MR1: variants seen among roughly 807,000 people sequenced by gnomAD.
The protein encoded by MR1 is major histocompatibility complex, class I-related.
A neutral mutation model predicts 37.8 loss-of-function variants in MR1; 44 were observed. The ratio of observed to expected loss-of-function variants is 1.16; its 90% CI spans 0.91 to 1.50. MR1 has a LOEUF of 1.50. Ranked by LOEUF, MR1 falls within the 40% of genes most tolerant of loss-of-function variation. MR1 has a pLI of 0.00. For missense variants in MR1, 386 were observed against 419.1 expected (o/e 0.92, Z 0.69); for synonymous variants, 153 against 155.8 (o/e 0.98, Z 0.13).
chr1:181,034,417 G>A (rs1558109682), intron 1 of MR1, among the ~76,000 whole-genome samples: 1 of 152,142 alleles, frequency 6.6e-6, no homozygotes, highest in Non-Finnish European at 1.5e-5. Context: ...TCATGAGGAT[G>A]TAGTCAGAGT....
rs149219165 is a variant in MR1, at chr1:181,037,578, G to A, written c.67+3504G>A. Among the ~76,000 whole-genome samples the A allele has an allele frequency of 9.2e-5, 14 of 152,320 alleles. No individual in the cohort carries two copies. The East Asian group carries it at 2.3e-3, about 25-fold the overall frequency. On this transcript the variant is annotated intron_variant, in intron 1 of 5. Coordinates refer to ENST00000367580, the MANE Select transcript of MR1 (RefSeq NM_001385161.1). ...TATTGCTAAGAGCTGGAGGAAAGGA[G>A]CCTAAGTTAAAGATCAAACACATGA...
At chr1:181,048,500 A>C (rs1407920370) in intron 1 of MR1, among the ~76,000 whole-genome samples, 2 of 150,928 alleles carry the variant, frequency 1.3e-5, no homozygotes, top group Non-Finnish European at 2.9e-5. Flanking sequence ...GTGCCATTGC[A>C]CTCCAGCCTG....
Position 181,052,401 on chromosome 1 carries a change from T to C in MR1, c.771T>C (p.Asp257=), listed in dbSNP as rs141366222. 19 of 1,614,100 alleles carry C rather than the reference T, an allele frequency of 1.2e-5. No homozygotes were observed. The highest frequency in any genetic ancestry group is 1.3e-5 in the Non-Finnish European group (15 of 1,180,046). Residue 257 remains aspartate, a synonymous_variant, in exon 4 of 6, where the codon GAT becomes GAC. Transcript: ENST00000367580. ...ATGGAGACATTCTTCCCAGTGGGGA[T>C]GGAACCTATCAGGCGTGGGCATCAA... ...IDYGDILPSG[D]GTYQAWASIE...
intron 1 of MR1, among the ~76,000 whole-genome samples, chr1:181,039,256 T>G (rs996273995): frequency 1.3e-5 from 2 of 152,228 alleles, no homozygotes; most frequent in Admixed American, 1.3e-4. Flanking sequence ...TTGTGATGAC[T>G]ATGATTAAGA....
chr1:181,046,220 G>C (rs531445356), intron 1 of MR1, among the ~76,000 whole-genome samples: 5 of 152,212 alleles, frequency 3.3e-5, no homozygotes, highest in African/African-American at 7.2e-5. Context: ...GCGGGCGCAC[G>C]GCGCGGGAAT....
At chr1:181,033,469 G>A (rs551538860), upstream of MR1, 1 of 152,486 alleles carries the variant, frequency 6.6e-6, no homozygotes, top group East Asian at 1.9e-4. Context: ...TATTCAGTAA[G>A]TGTTTTGAGC....
chr1:181,041,120 T>C (rs557515858), intron 1 of MR1, among the ~76,000 whole-genome samples: 2 of 134,832 alleles, frequency 1.5e-5, no homozygotes, highest in Admixed American at 1.5e-4. Context: ...AATAAATAAA[T>C]AAAGCACAAT....
chr1:181,048,999 G>A, intron 1 of MR1, 53 bp from the exon 2 acceptor site: 1 of 1,577,806 alleles, frequency 6.3e-7, no homozygotes, highest in South Asian at 1.2e-5. Flanking sequence ...TGCAGTTGAA[G>A]GATCTGGATC....
intron 1 of MR1, among the ~76,000 whole-genome samples, chr1:181,048,434 C>G (rs1658046941): frequency 6.7e-6 from 1 of 149,984 alleles, no homozygotes; most frequent in Admixed American, 6.7e-5. Flanking sequence ...ACCTGGGAGG[C>G]TGGAGCAGGA....
rs1658792573 is a variant in MR1 at position 181,059,282 on chromosome 1, G to A, written c.*4017G>A. 1.3e-5 allele frequency: 2 copies of A among 152,170 alleles called. No homozygotes were observed. The highest frequency in any genetic ancestry group is 4.1e-4 in the South Asian group (2 of 4,826). The allele number at this position is 152,170 out of a possible 1,614,324, so 9.4% of individuals were successfully genotyped here. A position where few individuals can be genotyped will look rare whatever the true frequency, so the allele number is the denominator to read the frequency against. ...TTTCTTTGGAAATTGCCATCTTTGA[G>A]CATTGTATGTCTCTGTAACATCTCT... On this transcript the variant is annotated 3_prime_UTR_variant, in exon 6 of 6. Transcript: ENST00000367580.
intron 5 of MR1, among the ~76,000 whole-genome samples, chr1:181,054,355 C>A (rs1658489131): frequency 6.6e-6 from 1 of 152,090 alleles, no homozygotes; most frequent in Non-Finnish European, 1.5e-5. Context: ...TACAATAGAG[C>A]CTGGTAAGGT....
At position 181,060,706 on chromosome 1, in the gene MR1, T is replaced by C. The variant is rs1463478609; in HGVS notation, c.*5441T>C. ...ACCCCTGCACCACAGGACAAGGAAG[T>C]GTTCTTGGTCTTCAACTTTCATCCC... On this transcript the variant is annotated 3_prime_UTR_variant, in exon 6 of 6. Transcript: ENST00000367580. The C allele has an allele frequency of 6.6e-6, 1 of 152,222 alleles. No individual in the cohort carries two copies. Among genetic ancestry groups the C allele is most frequent in the Admixed American group, 6.5e-5 (1 of 15,268 alleles). 9.4% of individuals were successfully genotyped at this position (152,222 alleles called of 1,614,324 possible).
Position 181,060,325 on chromosome 1 carries a change from C to T in MR1, c.*5060C>T, listed in dbSNP as rs1658842513. 1 of 152,170 alleles carries T rather than the reference C, an allele frequency of 6.6e-6. No homozygotes were observed. The allele number at this position is 152,170 out of a possible 1,614,324, so 9.4% of individuals were successfully genotyped here. Reference sequence around the variant, plus strand: ...ATTACATCTGCAACAACCCTATTTCCAAAGAAGGCCACATTCTGAGGTACT... The same window carrying T: ...ATTACATCTGCAACAACCCTATTTCTAAAGAAGGCCACATTCTGAGGTACT... On this transcript the variant is annotated 3_prime_UTR_variant, in exon 6 of 6. Transcript: ENST00000367580.
At chr1:181,039,440 A>G (rs1274232392) in intron 1 of MR1, among the ~76,000 whole-genome samples, 1 of 152,066 alleles carries the variant, frequency 6.6e-6, no homozygotes, top group Non-Finnish European at 1.5e-5. Context: ...GGTGGAATTC[A>G]TTTATTTGTT....
intron 1 of MR1, chr1:181,037,189 T>C (rs1465474898): frequency 2.0e-5 from 3 of 152,172 alleles, no homozygotes; most frequent in Non-Finnish European, 2.9e-5. Flanking sequence ...AATGGTGGAG[T>C]CCTTCACAGG....
intron 1 of MR1, among the ~76,000 whole-genome samples, chr1:181,041,531 C>T (rs1657553351): frequency 6.6e-6 from 1 of 152,168 alleles, no homozygotes; most frequent in Non-Finnish European, 1.5e-5. Flanking sequence ...GATTTTTTCC[C>T]ATGAAAAACT....
chr1:181,060,441 C>T lies in MR1; in HGVS notation c.*5176C>T, dbSNP rs905331117. 6.6e-6 allele frequency: 1 copy of T among 152,174 alleles called. No homozygotes were observed. Among genetic ancestry groups the T allele is most frequent in the Non-Finnish European group, 1.5e-5 (1 of 68,030 alleles). The allele number at this position is 152,174 out of a possible 1,614,324, so 9.4% of individuals were successfully genotyped here. ...AACCTCTGTAGGTTCCCTCAATCCA[C>T]CAAAATTTTTTGGCTCCACTGGATT... is the stretch of plus-strand genomic sequence containing the variant. On this transcript the variant is annotated 3_prime_UTR_variant, in exon 6 of 6. Coordinates refer to ENST00000367580, the MANE Select transcript of MR1 (RefSeq NM_001385161.1).
intron 3 of MR1, chr1:181,051,331 T>C (rs1401037307): frequency 1.3e-5 from 2 of 152,042 alleles, no homozygotes; most frequent in African/African-American, 4.8e-5. Flanking sequence ...ACAGGCCCTA[T>C]CAAAAAGCAC....
chr1:181,060,407 T>C lies in MR1; in HGVS notation c.*5142T>C, dbSNP rs1183654799. On this transcript the variant is annotated 3_prime_UTR_variant, in exon 6 of 6. Transcript: ENST00000367580. ...AGGAAACAATTCAACTCCTAACACA[T>C]CTCTACCCAACCTCTGTAGGTTCCC... The C allele has an allele frequency of 6.6e-6, 1 of 152,102 alleles. No homozygotes were observed. The highest frequency in any genetic ancestry group is 1.5e-5 in the Non-Finnish European group (1 of 68,012). 9.4% of individuals were successfully genotyped at this position (152,102 alleles called of 1,614,324 possible).
Sources: allele counts gnomAD v4.1 joint callset (sites outside exome capture counted in the v4.1 genomes callset), GRCh38; gene constraint gnomAD v4.1.1; transcripts MANE v1.5; gene names NCBI Gene and HGNC (gene_info 2026-07-23, HGNC 2026-07-21).